The following NFKB1 variants were observed in gnomAD, a reference collection of about 807,000 sequenced individuals.
NFKB1 encodes nuclear factor NF-kappa-B p105 subunit.
Under a neutral mutation model 105.1 loss-of-function variants are expected in NFKB1, and 9 were observed. The observed-to-expected ratio is 0.09, with a 90% confidence interval of 0.05 to 0.15. The LOEUF is 0.15. NFKB1 is among the 10% of genes least tolerant of loss of function. The pLI is 1.00. For synonymous variants in NFKB1, 440 were observed against 442.2 expected (o/e 1.00, Z 0.06); for missense variants, 830 against 1,203.7 (o/e 0.69, Z 4.59).
intron 1 of NFKB1, among the ~76,000 whole-genome samples, chr4:102,512,961 T>C (rs1739879188): frequency 6.6e-6 from 1 of 152,262 alleles, no homozygotes; most frequent in East Asian, 1.9e-4. Flanking sequence ...TCAGTTTCTC[T>C]GTATTTGAAC....
chr4:102,536,232 A>C (rs930985133), intron 4 of NFKB1, among the ~76,000 whole-genome samples: 1 of 152,154 alleles, frequency 6.6e-6, no homozygotes, highest in Non-Finnish European at 1.5e-5. Context: ...GAAATTGTAA[A>C]TTATTTTTAA....
At chr4:102,605,590 A>T (rs1167390121) in intron 16 of NFKB1, among the ~76,000 whole-genome samples, 5 of 152,198 alleles carry the variant, frequency 3.3e-5, no homozygotes, top group African/African-American at 1.2e-4. Context: ...TATTTGTCTT[A>T]CTCATTTTTG....
At chr4:102,609,166 A>AAAAAAAAAAAAAAAAAAAAT (rs1338929952) in intron 19 of NFKB1, among the ~76,000 whole-genome samples, 1 of 150,978 alleles carries the variant, frequency 6.6e-6, no homozygotes, top group African/African-American at 2.4e-5. Flanking sequence ...CTCAAAAAAA[A>AAAAAAAAAAAAAAAAAAAAT]AAAAGAAAAA....
intron 16 of NFKB1, among the ~76,000 whole-genome samples, chr4:102,604,209 A>C (rs1727473522): frequency 6.6e-6 from 1 of 152,206 alleles, no homozygotes. Flanking sequence ...CTTGAAATAC[A>C]TAGATATTTT....
chr4:102,607,543 C>T, intron 18 of NFKB1, 106 bp from the exon 19 acceptor site: 1 of 1,242,144 alleles, frequency 8.1e-7, no homozygotes, highest in South Asian at 1.2e-5. Flanking sequence ...CCCAAAGTAG[C>T]AATTGGGCTA....
intron 1 of NFKB1, among the ~76,000 whole-genome samples, chr4:102,510,550 G>A (rs1739712161): frequency 6.6e-6 from 1 of 152,152 alleles, no homozygotes. Context: ...AAATGCATGT[G>A]AGTAAGTACC....
intron 6 of NFKB1, among the ~76,000 whole-genome samples, chr4:102,574,379 T>C (rs1245071789): frequency 6.6e-6 from 1 of 152,224 alleles, no homozygotes; most frequent in African/African-American, 2.4e-5. Context: ...GTTACAGTAA[T>C]TTTTCTGCCT....
chr4:102,616,450 T>G lies in NFKB1; in HGVS notation c.2766T>G (p.Ser922Arg), dbSNP rs41341444. ...TRQQIDELRD[S>R]DSVCDSGVET... The stretch of plus-strand genomic sequence containing the variant: ...TCCCCTCAGACGAGCTCCGAGACAG[T>G]GACAGTGTCTGCGACAGCGGCGTGG... The change falls in exon 24 of 24, where the codon AGT becomes AGG. Residue 922 changes from serine (S) to arginine (R), a missense_variant. Coordinates refer to ENST00000226574, the MANE Select transcript of NFKB1 (RefSeq NM_003998.4). The G allele has an allele frequency of 7.4e-6, 12 of 1,613,802 alleles. No homozygotes were observed. The highest frequency in any genetic ancestry group is 1.0e-5 in the Non-Finnish European group (12 of 1,179,964).
intron 1 of NFKB1, among the ~76,000 whole-genome samples, chr4:102,502,533 A>G (rs1002089445): frequency 2.6e-5 from 4 of 152,100 alleles, no homozygotes; most frequent in African/African-American, 7.2e-5. Flanking sequence ...TTTAGACTTG[A>G]TTATGTAAAA....
At chr4:102,537,982 A>G (rs765607425) in intron 5 of NFKB1, 26 bp downstream of exon 5, 25 of 1,398,458 alleles carry the variant, frequency 1.8e-5, no homozygotes, top group East Asian at 9.1e-5. Context: ...CTCTCCTTCT[A>G]TTTGAATTCT....
chr4:102,560,750 T>C (rs1027727271), intron 5 of NFKB1, among the ~76,000 whole-genome samples: 1 of 152,186 alleles, frequency 6.6e-6, no homozygotes, highest in African/African-American at 2.4e-5. Flanking sequence ...TGAACTTCTG[T>C]TTTCTTATCT....
chr4:102,549,453 T>C lies in NFKB1; in HGVS notation c.258+11497T>C, dbSNP rs1354483700. The stretch of plus-strand genomic sequence containing the variant: ...TTGTAAGTTTTATATACATATAATA[T>C]ATATTCTGTTTATATATTGAATTTA... On this transcript the variant is annotated intron_variant, in intron 5 of 23. Transcript: ENST00000226574. Among the ~76,000 whole-genome samples, 8 of 149,172 alleles carry C rather than the reference T, an allele frequency of 5.4e-5. No individual in the cohort carries two copies. The East Asian group carries it at 1.2e-3, about 22-fold the overall frequency.
Position 102,594,983 on chromosome 4 carries a change from T to C in NFKB1, c.1300+2T>C. 6.3e-7 allele frequency: 1 copy of C among 1,590,806 alleles called. No homozygotes were observed. The highest frequency in any genetic ancestry group is 8.6e-7 in the Non-Finnish European group (1 of 1,160,634). On this transcript the variant is annotated splice_donor_variant, in intron 13 of 23. Coordinates refer to ENST00000226574, the MANE Select transcript of NFKB1 (RefSeq NM_003998.4). LOFTEE classifies it high-confidence loss of function. ...AATCTAATGCTGGGATGAAGCATGG[T>C]AAGTAATGCTTTGTTCTTAATACCA... is the stretch of plus-strand genomic sequence containing the variant.
intron 13 of NFKB1, among the ~76,000 whole-genome samples, chr4:102,595,868 C>A (rs540051680): frequency 6.6e-6 from 1 of 152,072 alleles, no homozygotes; most frequent in Non-Finnish European, 1.5e-5. Context: ...CATAGAAGAG[C>A]TTTATTTCAT....
chr4:102,573,620 A>G (rs1270369140), intron 6 of NFKB1, among the ~76,000 whole-genome samples: 1 of 151,990 alleles, frequency 6.6e-6, no homozygotes, highest in Non-Finnish European at 1.5e-5. Flanking sequence ...TTATTTTTTC[A>G]AATATATTTT....
chr4:102,566,297 CAG>C (rs769421558), intron 5 of NFKB1, among the ~76,000 whole-genome samples: 13 of 152,082 alleles, frequency 8.5e-5, no homozygotes, highest in African/African-American at 1.9e-4. Flanking sequence ...CAACAGCAAA[CAG>C]GGGTGAAATC....
intron 6 of NFKB1, among the ~76,000 whole-genome samples, chr4:102,574,234 G>C (rs1307450934): frequency 6.7e-6 from 1 of 148,486 alleles, no homozygotes; most frequent in Admixed American, 6.8e-5. Context: ...TTACTTTTAA[G>C]CTTTATCAGA....
At chr4:102,596,416 G>C in intron 14 of NFKB1, 84 bp downstream of exon 14, 1 of 1,092,792 alleles carries the variant, frequency 9.2e-7, no homozygotes, top group Non-Finnish European at 1.3e-6. Flanking sequence ...CTAATCTAAA[G>C]ATGATATATC....
At chr4:102,577,544 A>G (rs1230979134) in intron 7 of NFKB1, among the ~76,000 whole-genome samples, 2 of 151,404 alleles carry the variant, frequency 1.3e-5, no homozygotes, top group East Asian at 1.9e-4. Flanking sequence ...ATGATTTTCC[A>G]TTTTCTTGCC....
Sources: allele counts gnomAD v4.1 joint callset (sites outside exome capture counted in the v4.1 genomes callset), GRCh38; gene constraint gnomAD v4.1.1; transcripts MANE v1.5; gene names NCBI Gene and HGNC (gene_info 2026-07-23, HGNC 2026-07-21).